The following LRRC4C variants were observed in gnomAD, a reference collection of about 807,000 sequenced individuals.
The protein encoded by LRRC4C is leucine rich repeat containing 4C, also known as leucine-rich repeat-containing protein 4C.
LRRC4C carries 5 observed loss-of-function variants against 33.6 expected under a neutral mutation model. That is an observed-to-expected ratio of 0.15 (90% CI 0.08 to 0.31). LRRC4C has a LOEUF of 0.31. Ranked by LOEUF, LRRC4C falls within the 10% of genes least tolerant of loss-of-function variation. The pLI is 1.00. For synonymous variants in LRRC4C, 329 were observed against 302.0 expected, an observed-to-expected ratio of 1.09 and a Z score of -0.93; for missense variants, 560 against 796.7, an observed-to-expected ratio of 0.70 and a Z score of 3.58.
intron 1 of LRRC4C, among the ~76,000 whole-genome samples, chr11:41,170,931 A>C (rs1944946629): frequency 6.6e-6 from 1 of 152,190 alleles, no homozygotes; most frequent in Non-Finnish European, 1.5e-5. Flanking sequence ...ACCCCATCAA[A>C]AAGTGGGTGA....
intron 1 of LRRC4C, among the ~76,000 whole-genome samples, chr11:41,154,226 G>A (rs1260272142): frequency 6.6e-6 from 1 of 152,130 alleles, no homozygotes; most frequent in East Asian, 1.9e-4. Context: ...TCATTCTACA[G>A]TACTTATTGG....
chr11:41,242,064 T>C (rs1008888247), intron 1 of LRRC4C, among the ~76,000 whole-genome samples: 2 of 152,168 alleles, frequency 1.3e-5, no homozygotes, highest in Non-Finnish European at 2.9e-5. Context: ...AAAATCATTC[T>C]AAAGAAAAGT....
intron 2 of LRRC4C, among the ~76,000 whole-genome samples, chr11:40,834,994 C>T (rs1234507399): frequency 6.6e-6 from 1 of 151,036 alleles, no homozygotes; most frequent in Non-Finnish European, 1.5e-5. Context: ...AATTTGCATG[C>T]ACCCTTTCTA....
intron 1 of LRRC4C, among the ~76,000 whole-genome samples, chr11:41,158,031 A>C (rs1944309995): frequency 6.6e-6 from 1 of 151,886 alleles, no homozygotes; most frequent in Non-Finnish European, 1.5e-5. Flanking sequence ...TTGCCTGTTG[A>C]CCATCCCCAA....
chr11:40,535,660 T>G (rs1357261718), intron 3 of LRRC4C, among the ~76,000 whole-genome samples: 2 of 152,234 alleles, frequency 1.3e-5, no homozygotes, highest in Non-Finnish European at 2.9e-5. Flanking sequence ...AGATTTGTAC[T>G]GGGTTGACTT....
intron 1 of LRRC4C, among the ~76,000 whole-genome samples, chr11:41,036,772 T>C (rs1857102930): frequency 6.6e-6 from 1 of 152,182 alleles, no homozygotes; most frequent in South Asian, 2.1e-4. Flanking sequence ...AAAAGAGATT[T>C]CAAAGTATCA....
At chr11:40,122,760 C>G (rs1227415117) in intron 6 of LRRC4C, among the ~76,000 whole-genome samples, 1 of 131,088 alleles carries the variant, frequency 7.6e-6, no homozygotes, top group South Asian at 2.9e-4. Flanking sequence ...CTTCACCCTC[C>G]CCCCACCCAA....
intron 5 of LRRC4C, among the ~76,000 whole-genome samples, chr11:40,223,736 G>T (rs1477064361): frequency 6.6e-6 from 1 of 152,172 alleles, no homozygotes; most frequent in Non-Finnish European, 1.5e-5. Context: ...TCTGCAGAAT[G>T]AAAAGTGCCA....
At chr11:40,968,391 A>G (rs945291817) in intron 1 of LRRC4C, among the ~76,000 whole-genome samples, 6 of 152,218 alleles carry the variant, frequency 3.9e-5, no homozygotes, top group African/African-American at 1.2e-4. Flanking sequence ...CAAGTTATCC[A>G]GAAGATCTGG....
At chr11:40,798,399 C>A (rs1285248477) in intron 2 of LRRC4C, among the ~76,000 whole-genome samples, 1 of 152,122 alleles carries the variant, frequency 6.6e-6, no homozygotes, top group African/African-American at 2.4e-5. Context: ...ATAGGGGAAG[C>A]TTGCTGAGAA....
chr11:41,347,193 T>C (rs1351209719), intron 1 of LRRC4C, among the ~76,000 whole-genome samples: 1 of 152,254 alleles, frequency 6.6e-6, no homozygotes, highest in Non-Finnish European at 1.5e-5. Context: ...ACTCTCTGGC[T>C]GAAACGCTTG....
intron 1 of LRRC4C, among the ~76,000 whole-genome samples, chr11:41,389,887 A>G (rs1953521375): frequency 6.6e-6 from 1 of 151,788 alleles, no homozygotes; most frequent in Non-Finnish European, 1.5e-5. Flanking sequence ...ATTCATTTGG[A>G]CCATACCCCA....
At chr11:41,215,860 G>T (rs951591427) in intron 1 of LRRC4C, among the ~76,000 whole-genome samples, 26 of 152,074 alleles carry the variant, frequency 1.7e-4, no homozygotes, top group African/African-American at 5.8e-4. Flanking sequence ...TTCATTTTGG[G>T]GGACATATGC....
intron 1 of LRRC4C, among the ~76,000 whole-genome samples, chr11:41,197,523 C>T (rs551247664): frequency 6.6e-6 from 1 of 152,154 alleles, no homozygotes; most frequent in South Asian, 2.1e-4. Context: ...TACTCAAAAA[C>T]ATCAAACAGC....
intron 2 of LRRC4C, among the ~76,000 whole-genome samples, chr11:40,650,538 A>T (rs1287866254): frequency 6.6e-6 from 1 of 152,204 alleles, no homozygotes; most frequent in Non-Finnish European, 1.5e-5. Context: ...TCCTATTTTT[A>T]TAGATGAGAT....
In LRRC4C at chr11:40,267,575, TCTC is replaced by T. The variant is rs534086620; in HGVS notation, c.-175-25980_-175-25978del. Among the ~76,000 whole-genome samples the T allele has an allele frequency of 6.6e-5, 10 of 152,192 alleles. No individual in the cohort carries two copies. In the East Asian group the frequency reaches 1.9e-3, roughly 30 times the overall value. ...ACCGTGTTAGCCAGGATGGTCTTGA[TCTC>T]CTGACCTCGTGATCTTCCCGCCTCG... On this transcript the variant is annotated intron_variant, in intron 4 of 6. Transcript: ENST00000528697.
intron 1 of LRRC4C, among the ~76,000 whole-genome samples, chr11:41,009,125 A>C (rs2137499536): frequency 6.6e-6 from 1 of 152,190 alleles, no homozygotes. Context: ...TTAGATAGAT[A>C]TTTGGAAAGC....
At chr11:40,497,476 C>G (rs1158201643) in intron 3 of LRRC4C, among the ~76,000 whole-genome samples, 2 of 151,800 alleles carry the variant, frequency 1.3e-5, no homozygotes, top group Non-Finnish European at 2.9e-5. Context: ...CATGGATATA[C>G]TAATATCTCC....
intron 3 of LRRC4C, among the ~76,000 whole-genome samples, chr11:40,356,059 C>G (rs1173474638): frequency 1.3e-5 from 2 of 152,110 alleles, no homozygotes; most frequent in Non-Finnish European, 2.9e-5. Context: ...CTCTGGCACT[C>G]AGTGACTGTG....
Sources: gnomAD v4.1 joint callset for allele counts (sites outside exome capture counted in the v4.1 genomes callset) on GRCh38, gnomAD v4.1.1 for gene constraint, MANE v1.5 for transcripts, NCBI Gene and HGNC (gene_info 2026-07-23, HGNC 2026-07-21) for gene names.